MAGI1: variants seen among roughly 807,000 people sequenced by gnomAD.
MAGI1 encodes membrane associated guanylate kinase, WW and PDZ domain containing 1, also known as membrane-associated guanylate kinase, WW and PDZ domain-containing protein 1.
Under a neutral mutation model 139.9 loss-of-function variants are expected in MAGI1, and 58 were observed. The ratio of observed to expected loss-of-function variants is 0.41; its 90% CI spans 0.34 to 0.52. MAGI1 has a LOEUF of 0.52. Ranked by LOEUF, MAGI1 falls within the 20% of genes least tolerant of loss-of-function variation. The pLI, the probability that MAGI1 is intolerant of heterozygous loss-of-function variation, is 0.12. For missense variants in MAGI1, 1,874 were observed against 1,901.6 expected, an observed-to-expected ratio of 0.99 and a Z score of 0.27; for synonymous variants, 812 against 737.9, an observed-to-expected ratio of 1.10 and a Z score of -1.63.
intron 1 of MAGI1, among the ~76,000 whole-genome samples, chr3:65,869,525 C>T (rs1418416930): frequency 6.6e-6 from 1 of 151,126 alleles, no homozygotes; most frequent in East Asian, 2.0e-4. Flanking sequence ...CTCAGCCTCC[C>T]GAGTAGCTGG....
chr3:65,814,921 A>T lies in MAGI1; in HGVS notation c.314-192833T>A, dbSNP rs560858639. On this transcript the variant is annotated intron_variant, in intron 1 of 22. Transcript: ENST00000402939. ...GAAAACATACTTTTTGAAAGAAAAT[A>T]CTAATATCTACAGAGAGGAAAAGGA... Among the ~76,000 whole-genome samples, 49 of 152,340 alleles carry T rather than the reference A, an allele frequency of 3.2e-4. No individual in the cohort carries two copies. In the South Asian group the frequency reaches 5.6e-3, roughly 17 times the overall value.
chr3:65,548,711 G>C (rs2079646223), intron 2 of MAGI1, among the ~76,000 whole-genome samples: 1 of 151,722 alleles, frequency 6.6e-6, no homozygotes. Flanking sequence ...TGAATAGAGA[G>C]GGGGTTTCAT....
At chr3:65,864,964 T>C (rs1024575540) in intron 1 of MAGI1, among the ~76,000 whole-genome samples, 1 of 152,178 alleles carries the variant, frequency 6.6e-6, no homozygotes, top group Non-Finnish European at 1.5e-5. Context: ...ATACTGTAGA[T>C]ATACACACCT....
At chr3:65,676,412 T>C (rs941218663) in intron 1 of MAGI1, among the ~76,000 whole-genome samples, 3 of 152,216 alleles carry the variant, frequency 2.0e-5, no homozygotes, top group African/African-American at 4.8e-5. Context: ...AGAAAAGTAA[T>C]TGGAGCAGAG....
chr3:65,548,478 T>C (rs1324600317), intron 2 of MAGI1, among the ~76,000 whole-genome samples: 1 of 146,890 alleles, frequency 6.8e-6, no homozygotes, highest in Admixed American at 6.9e-5. Flanking sequence ...CTCCATTTGC[T>C]CCAGCTGAGC....
intron 1 of MAGI1, among the ~76,000 whole-genome samples, chr3:65,789,492 A>G (rs2039617877): frequency 2.6e-5 from 4 of 152,202 alleles, no homozygotes; most frequent in Admixed American, 2.6e-4. Context: ...AGTTCCAAAC[A>G]TTACTGAGTA....
At chr3:65,840,186 T>C (rs2058758025) in intron 1 of MAGI1, among the ~76,000 whole-genome samples, 1 of 152,022 alleles carries the variant, frequency 6.6e-6, no homozygotes. Flanking sequence ...GGCTTTTCTC[T>C]GTAGACAAAG....
intron 1 of MAGI1, chr3:65,688,212 G>A (rs951618502): frequency 1.8e-5 from 14 of 795,814 alleles, no homozygotes; most frequent in Non-Finnish European, 1.7e-5. Context: ...CATGACCCTA[G>A]AACAGCAGGA....
At chr3:65,791,363 C>A (rs1466757767) in intron 1 of MAGI1, among the ~76,000 whole-genome samples, 6 of 152,192 alleles carry the variant, frequency 3.9e-5, no homozygotes, top group Non-Finnish European at 8.8e-5. Flanking sequence ...TGAATTCAAT[C>A]AACCTTGGTT....
At chr3:65,792,818 A>T (rs369692148) in intron 1 of MAGI1, among the ~76,000 whole-genome samples, 2 of 152,116 alleles carry the variant, frequency 1.3e-5, no homozygotes, top group South Asian at 4.2e-4. Flanking sequence ...TCCATTGGAT[A>T]TTTTCAGACC....
At chr3:65,425,262 G>A (rs574410109) in intron 12 of MAGI1, among the ~76,000 whole-genome samples, 28 of 151,976 alleles carry the variant, frequency 1.8e-4, no homozygotes, top group South Asian at 1.7e-3. Context: ...TGACTACTAC[G>A]TCAGGAATTG....
chr3:65,415,077 A>G (rs1180040052), intron 12 of MAGI1, among the ~76,000 whole-genome samples: 3 of 151,682 alleles, frequency 2.0e-5, no homozygotes, highest in African/African-American at 7.3e-5. Flanking sequence ...AGAATCTTTC[A>G]TATTGGAAAA....
intron 1 of MAGI1, among the ~76,000 whole-genome samples, chr3:65,696,944 T>A (rs988405119): frequency 1.3e-5 from 2 of 152,112 alleles, no homozygotes; most frequent in Admixed American, 1.3e-4. Context: ...AGCTGGTTTT[T>A]TGAAAGGATC....
intron 7 of MAGI1, among the ~76,000 whole-genome samples, chr3:65,443,258 A>T (rs1948465796): frequency 6.6e-6 from 1 of 152,226 alleles, no homozygotes; most frequent in African/African-American, 2.4e-5. Flanking sequence ...CATTTTCAGT[A>T]CAATAGTGTT....
At chr3:65,824,554 G>T (rs1460081425) in intron 1 of MAGI1, among the ~76,000 whole-genome samples, 1 of 152,198 alleles carries the variant, frequency 6.6e-6, no homozygotes, top group African/African-American at 2.4e-5. Flanking sequence ...GTTGTAGAAA[G>T]AATTTGTGTG....
intron 2 of MAGI1, among the ~76,000 whole-genome samples, chr3:65,560,042 C>A (rs980070400): frequency 6.6e-6 from 1 of 152,124 alleles, no homozygotes; most frequent in Non-Finnish European, 1.5e-5. Flanking sequence ...TCTCGAAAAA[C>A]AAACAAATGA....
chr3:65,641,770 G>A (rs1234631391), intron 1 of MAGI1, among the ~76,000 whole-genome samples: 4 of 152,114 alleles, frequency 2.6e-5, no homozygotes, highest in Non-Finnish European at 5.9e-5. Context: ...AAATTAGCTG[G>A]GTAGAAATTT....
At chr3:65,397,097 C>G (rs980240047) in intron 13 of MAGI1, among the ~76,000 whole-genome samples, 1 of 152,124 alleles carries the variant, frequency 6.6e-6, no homozygotes, top group Non-Finnish European at 1.5e-5. Context: ...ATGCCTTCAC[C>G]CATCTACTAC....
At chr3:65,413,029 G>T (rs1364905481) in intron 12 of MAGI1, among the ~76,000 whole-genome samples, 2 of 152,122 alleles carry the variant, frequency 1.3e-5, no homozygotes, top group South Asian at 4.2e-4. Flanking sequence ...ACAGCACTGG[G>T]TTCAATGCCT....
Sources: allele counts gnomAD v4.1 joint callset (sites outside exome capture counted in the v4.1 genomes callset), GRCh38; gene constraint gnomAD v4.1.1; transcripts MANE v1.5; gene names NCBI Gene and HGNC (gene_info 2026-07-23, HGNC 2026-07-21).